The following PGM2L1 variants were observed in gnomAD, a reference collection of about 807,000 sequenced individuals.
The protein encoded by PGM2L1 is phosphoglucomutase 2 like 1, also known as glucose 1,6-bisphosphate synthase.
Under a neutral mutation model 73.4 loss-of-function variants are expected in PGM2L1, and 35 were observed. The ratio of observed to expected loss-of-function variants is 0.48; its 90% CI spans 0.36 to 0.63. The LOEUF is 0.63. PGM2L1 is among the 30% of genes least tolerant of loss of function. PGM2L1 has a pLI of 0.00. For missense variants in PGM2L1, 570 were observed against 742.0 expected, an observed-to-expected ratio of 0.77 and a Z score of 2.69; for synonymous variants, 225 against 253.8, an observed-to-expected ratio of 0.89 and a Z score of 1.08.
At chr11:74,383,824 A>AATAAATAAAT (rs61026077) in intron 1 of PGM2L1, among the ~76,000 whole-genome samples, 1 of 121,824 alleles carries the variant, frequency 8.2e-6, no homozygotes, top group African/African-American at 3.5e-5. Context: ...TATATAAATA[A>AATAAATAAAT]ATATATATAT....
chr11:74,377,293 C>T (rs2091161609), intron 1 of PGM2L1, among the ~76,000 whole-genome samples: 1 of 152,058 alleles, frequency 6.6e-6, no homozygotes, highest in South Asian at 2.1e-4. Flanking sequence ...GCCACCACGC[C>T]CAGCTAATTT....
At chr11:74,385,377 T>G (rs1863003794) in intron 1 of PGM2L1, among the ~76,000 whole-genome samples, 1 of 152,220 alleles carries the variant, frequency 6.6e-6, no homozygotes, top group Admixed American at 6.5e-5. Context: ...TCTCATATAT[T>G]ACTGTGTAAG....
At chr11:74,359,167 G>C (rs1288488364) in intron 5 of PGM2L1, among the ~76,000 whole-genome samples, 3 of 151,930 alleles carry the variant, frequency 2.0e-5, no homozygotes, top group African/African-American at 7.3e-5. Flanking sequence ...AATCTATATA[G>C]ATGAATCATA....
intron 1 of PGM2L1, among the ~76,000 whole-genome samples, chr11:74,383,147 T>C (rs956001171): frequency 3.9e-5 from 6 of 152,110 alleles, no homozygotes; most frequent in African/African-American, 1.4e-4. Flanking sequence ...AATAAAAAAG[T>C]AAGCAAGCCA....
rs556012283 is a variant in PGM2L1, at chr11:74,360,584, G to A, written c.555+7908C>T. ...GGCAGGACAGTGGGTGCAGCCCATC[G>A]AGTGTGAGTCGAAGCAGGGTGACAC... On this transcript the variant is annotated intron_variant, in intron 5 of 13. Coordinates refer to ENST00000298198, the MANE Select transcript of PGM2L1 (RefSeq NM_173582.6). Among the ~76,000 whole-genome samples the A allele has an allele frequency of 2.6e-5, 4 of 152,254 alleles. No homozygotes were observed. The South Asian group carries it at 6.2e-4, about 24-fold the overall frequency.
intron 1 of PGM2L1, among the ~76,000 whole-genome samples, chr11:74,390,655 A>T: frequency 6.6e-6 from 1 of 152,234 alleles, no homozygotes; most frequent in African/African-American, 2.4e-5. Flanking sequence ...TGTAAAAAGA[A>T]CTGGAGGAAG....
intron 1 of PGM2L1, among the ~76,000 whole-genome samples, chr11:74,394,152 C>T (rs1476607331): frequency 1.3e-5 from 2 of 152,156 alleles, no homozygotes; most frequent in Admixed American, 1.3e-4. Flanking sequence ...TTACTTATTA[C>T]AGGTTGATGC....
At chr11:74,383,663 G>A (rs1394486805) in intron 1 of PGM2L1, among the ~76,000 whole-genome samples, 1 of 151,668 alleles carries the variant, frequency 6.6e-6, no homozygotes, top group African/African-American at 2.4e-5. Flanking sequence ...TGTTCTCATT[G>A]TTCAGCTCCC....
chr11:74,390,855 A>T (rs1250528956), intron 1 of PGM2L1, among the ~76,000 whole-genome samples: 1 of 152,230 alleles, frequency 6.6e-6, no homozygotes, highest in Admixed American at 6.5e-5. Context: ...CTAGTCATAG[A>T]AAGACAAATA....
Position 74,336,647 on chromosome 11 carries a change from T to G in PGM2L1, c.*5A>C, listed in dbSNP as rs1442586087. 2 of 1,583,248 alleles carry G rather than the reference T, an allele frequency of 1.3e-6. No individual in the cohort carries two copies. The highest frequency in any genetic ancestry group is 2.3e-5 in the South Asian group (2 of 88,378). On this transcript the variant is annotated 3_prime_UTR_variant, in exon 14 of 14. Transcript: ENST00000298198. ...CACACAGTGTCATGACATATTGGTGTACCCCTAAACAGAACGCCAGATCAG... is the reference window on the plus strand; with the variant it reads ...CACACAGTGTCATGACATATTGGTGGACCCCTAAACAGAACGCCAGATCAG...
Position 74,375,315 on chromosome 11 carries a change from A to G in PGM2L1, c.112-733T>C, listed in dbSNP as rs139445544. ...CTGTATTTCATTGTCGTGTACTTTA[A>G]CTTATTTTCATAAATCTCAAGAATA... On this transcript the variant is annotated intron_variant, in intron 1 of 13. Transcript: ENST00000298198. Among the ~76,000 whole-genome samples the G allele has an allele frequency of 6.1e-3, 924 of 152,304 alleles. 10 individuals carry two copies. The highest frequency in any genetic ancestry group is 0.021 in the African/African-American group (861 of 41,570).
intron 13 of PGM2L1, among the ~76,000 whole-genome samples, chr11:74,337,261 G>A (rs1312672707): frequency 2.0e-5 from 3 of 152,192 alleles, no homozygotes; most frequent in Non-Finnish European, 4.4e-5. Context: ...AGAACATTTC[G>A]AGGCAAGCCT....
Position 74,342,513 on chromosome 11 carries a change from T to C in PGM2L1, c.1580A>G (p.His527Arg). 2 of 1,608,566 alleles carry C rather than the reference T, an allele frequency of 1.2e-6. No homozygotes were observed. Among genetic ancestry groups the C allele is most frequent in the South Asian group, 2.2e-5 (2 of 89,728 alleles). The change falls in exon 12 of 14, where the codon CAT becomes CGT. Residue 527 changes from histidine (H) to arginine (R), a missense_variant. By Grantham distance (29) the His-to-Arg change is conservative (BLOSUM62 0). Transcript: ENST00000298198. The part of the protein sequence containing the change: ...PKFCGTFAIL[H>R]VRDVTTGYDS... Reference sequence around the variant, plus strand: ...ATATCCAGTGGTAACGTCCCGTACATGCAATATAGCAAATGTTCCACAAAA... The same window carrying C: ...ATATCCAGTGGTAACGTCCCGTACACGCAATATAGCAAATGTTCCACAAAA...
At chr11:74,393,630 A>G (rs145313069) in intron 1 of PGM2L1, among the ~76,000 whole-genome samples, 1 of 152,240 alleles carries the variant, frequency 6.6e-6, no homozygotes, top group East Asian at 1.9e-4. Flanking sequence ...TTTACATGAT[A>G]CTCTTTCTCA....
chr11:74,350,901 G>GAGAGAGAGAGAGAGAGAA (rs1326229209), intron 6 of PGM2L1, among the ~76,000 whole-genome samples: 1 of 138,306 alleles, frequency 7.2e-6, no homozygotes. Flanking sequence ...GAAAGAAAGA[G>GAGAGAGAGAGAGAGAGAA]AGAGAGAGAG....
Position 74,398,214 on chromosome 11 carries a change from TG to T in PGM2L1, c.-54del. 1.5e-5 allele frequency: 23 copies of T among 1,547,638 alleles called. No individual in the cohort carries two copies. Among genetic ancestry groups the T allele is most frequent in the South Asian group, 2.4e-5 (2 of 81,966 alleles). ...GGCCGGCGAAGACACTGAGTTGGGGTGGGGGGTGGCTTGGGGTTCGCTCACC... is the reference window on the plus strand; with the variant it reads ...GGCCGGCGAAGACACTGAGTTGGGGTGGGGGTGGCTTGGGGTTCGCTCACC... On this transcript the variant is annotated 5_prime_UTR_variant, in exon 1 of 14. Transcript: ENST00000298198.
At chr11:74,372,275 C>T (rs1043218143) in intron 2 of PGM2L1, among the ~76,000 whole-genome samples, 5 of 152,092 alleles carry the variant, frequency 3.3e-5, no homozygotes, top group African/African-American at 1.2e-4. Context: ...ATGATGTAAA[C>T]ATTTTTAATC....
Position 74,346,760 on chromosome 11 carries a change from T to C in PGM2L1, c.1009A>G (p.Arg337Gly). Reference sequence around the variant, plus strand: ...TCCTGAAGTTCTGCTGCTGCCAGTCTGTCTGCATCAGGATCTGTGGCTAGC... The same window carrying C: ...TCCTGAAGTTCTGCTGCTGCCAGTCCGTCTGCATCAGGATCTGTGGCTAGC... ...VVLATDPDADRLAAAELQENG... is the reference protein window; with the variant it reads ...VVLATDPDADGLAAAELQENG... The change falls in exon 8 of 14, where the codon AGA (arginine) becomes GGA (glycine). Residue 337 changes from arginine (R) to glycine (G), a missense_variant. Arg to Gly is a moderately radical substitution (Grantham distance 125). Coordinates refer to ENST00000298198, the MANE Select transcript of PGM2L1 (RefSeq NM_173582.6). 2 of 1,614,076 alleles carry C rather than the reference T, an allele frequency of 1.2e-6. No individual in the cohort carries two copies. Among genetic ancestry groups the C allele is most frequent in the Non-Finnish European group, 1.7e-6 (2 of 1,179,916 alleles).
chr11:74,344,057 G>A (rs1862226408), intron 9 of PGM2L1, among the ~76,000 whole-genome samples: 1 of 151,994 alleles, frequency 6.6e-6, no homozygotes, highest in Non-Finnish European at 1.5e-5. Flanking sequence ...TTACAGGCGT[G>A]AGCCACCACG....
Sources: gnomAD v4.1 joint callset for allele counts (sites outside exome capture counted in the v4.1 genomes callset) on GRCh38, gnomAD v4.1.1 for gene constraint, MANE v1.5 for transcripts, NCBI Gene and HGNC (gene_info 2026-07-23, HGNC 2026-07-21) for gene names.